SPEF2: variants seen among roughly 807,000 people sequenced by gnomAD.
SPEF2 encodes the protein sperm flagella and cilia-associated protein 2.
Under a neutral mutation model 224.6 loss-of-function variants are expected in SPEF2, and 187 were observed. The observed-to-expected ratio is 0.83, with a 90% CI of 0.74 to 0.94. SPEF2 has a LOEUF of 0.94. Ranked by LOEUF, SPEF2 falls within the 40% of genes least tolerant of loss-of-function variation. The pLI is 0.00. For synonymous variants in SPEF2, 715 were observed against 707.3 expected (o/e 1.01, Z -0.17); for missense variants, 2,170 against 2,135.6 (o/e 1.02, Z -0.32).
intron 24 of SPEF2, among the ~76,000 whole-genome samples, chr5:35,756,327 C>T (rs10042959): frequency 0.9 from 136,232 of 152,110 alleles, 61,392 homozygotes; most frequent in South Asian, 0.99. Flanking sequence ...TCTTGAAACT[C>T]ATCCCCCATG....
chr5:35,783,098 G>C (rs1235227134), intron 30 of SPEF2, among the ~76,000 whole-genome samples: 3 of 152,100 alleles, frequency 2.0e-5, no homozygotes, highest in Non-Finnish European at 4.4e-5. Context: ...ACCTATCCTA[G>C]GAATCATTCC....
chr5:35,670,213 T>C lies in SPEF2; in HGVS notation c.1510T>C (p.Tyr504His). The stretch of plus-strand genomic sequence containing the variant: ...AAGGGACTTGCTAGATACCAATGAT[T>C]ATGAAGAATATAAGGTACCTACTGA... Reference protein sequence around the residue: ...EKRDLLDTNDYEEYKNMVGEW... With the variant: ...EKRDLLDTNDHEEYKNMVGEW... The change falls in exon 10 of 37, where the codon TAT (tyrosine) becomes CAT (histidine). Residue 504 changes from tyrosine (Y) to histidine (H), a missense_variant. Physicochemically the swap from Tyr to His is moderately conservative, Grantham distance 83 (BLOSUM62 2). Transcript: ENST00000356031. The C allele has an allele frequency of 6.2e-7, 1 of 1,608,558 alleles. No individual in the cohort carries two copies. The highest frequency in any genetic ancestry group is 2.2e-5 in the East Asian group (1 of 44,610).
chr5:35,810,797 A>G (rs910901804), intron 36 of SPEF2, among the ~76,000 whole-genome samples: 6 of 152,186 alleles, frequency 3.9e-5, no homozygotes, highest in Non-Finnish European at 7.3e-5. Flanking sequence ...TACCTGTAGC[A>G]CCTGGCATTC....
At chr5:35,668,280 A>G (rs541987960) in intron 9 of SPEF2, among the ~76,000 whole-genome samples, 3 of 152,174 alleles carry the variant, frequency 2.0e-5, no homozygotes, top group Non-Finnish European at 1.5e-5. Context: ...AACAGGTAAT[A>G]GAGTGTGATA....
At chr5:35,668,150 A>C (rs988582539) in intron 9 of SPEF2, among the ~76,000 whole-genome samples, 1 of 152,076 alleles carries the variant, frequency 6.6e-6, no homozygotes, top group Admixed American at 6.6e-5. Flanking sequence ...TAGCAATTAC[A>C]CTTCTGGGCA....
intron 20 of SPEF2, among the ~76,000 whole-genome samples, chr5:35,717,711 G>A (rs1302185554): frequency 6.6e-6 from 1 of 152,118 alleles, no homozygotes; most frequent in African/African-American, 2.4e-5. Context: ...AGGAAAAGGA[G>A]GGGCTAGGCT....
intron 20 of SPEF2, among the ~76,000 whole-genome samples, chr5:35,717,035 T>C (rs1356602492): frequency 6.6e-6 from 1 of 152,210 alleles, no homozygotes; most frequent in Non-Finnish European, 1.5e-5. Flanking sequence ...CATTTGCCAC[T>C]GTCCCATTAT....
At chr5:35,683,346 C>T (rs1283302418) in intron 10 of SPEF2, among the ~76,000 whole-genome samples, 3 of 152,028 alleles carry the variant, frequency 2.0e-5, no homozygotes, top group South Asian at 2.1e-4. Flanking sequence ...GCTAGTGGGC[C>T]GGGTGCTGTG....
intron 2 of SPEF2, among the ~76,000 whole-genome samples, chr5:35,631,801 C>A (rs1204406873): frequency 6.6e-6 from 1 of 152,082 alleles, no homozygotes; most frequent in African/African-American, 2.4e-5. Flanking sequence ...TTCCAAAGAG[C>A]AAAACTTGTA....
chr5:35,642,383 C>T (rs747536760), intron 3 of SPEF2, among the ~76,000 whole-genome samples: 2 of 152,248 alleles, frequency 1.3e-5, no homozygotes, highest in Non-Finnish European at 2.9e-5. Context: ...CTTCATCTAC[C>T]GTGCAGCCCA....
chr5:35,688,015 C>G (rs1340770694), intron 10 of SPEF2, among the ~76,000 whole-genome samples: 2 of 152,076 alleles, frequency 1.3e-5, no homozygotes, highest in Non-Finnish European at 2.9e-5. Context: ...AGAAAATACT[C>G]AAAATATGGT....
At chr5:35,661,254 TTATATA>T (rs550178866) in intron 8 of SPEF2, among the ~76,000 whole-genome samples, 1,131 of 93,802 alleles carry the variant, frequency 0.012, 3 homozygotes, top group South Asian at 0.027. Context: ...TTGGTATATA[TTATATA>T]TATATATATA....
intron 29 of SPEF2, among the ~76,000 whole-genome samples, chr5:35,777,827 A>T (rs1241430362): frequency 6.6e-6 from 1 of 152,052 alleles, no homozygotes. Context: ...CATCTGTTTT[A>T]GTATCCTGAT....
intron 5 of SPEF2, among the ~76,000 whole-genome samples, chr5:35,647,662 G>A (rs1332254089): frequency 1.3e-5 from 2 of 152,070 alleles, no homozygotes; most frequent in Admixed American, 1.3e-4. Flanking sequence ...ACCATAGCAG[G>A]TCATAACTGC....
At chr5:35,645,856 T>C (rs1747296215) in intron 4 of SPEF2, among the ~76,000 whole-genome samples, 1 of 152,144 alleles carries the variant, frequency 6.6e-6, no homozygotes, top group African/African-American at 2.4e-5. Context: ...TAAATAAATA[T>C]TCATATTTTG....
At chr5:35,752,285 G>A (rs181889723) in intron 23 of SPEF2, among the ~76,000 whole-genome samples, 3 of 152,032 alleles carry the variant, frequency 2.0e-5, no homozygotes, top group Non-Finnish European at 4.4e-5. Context: ...TAAATGTTTA[G>A]TGAATTATTA....
chr5:35,722,352 C>T (rs1290632180), intron 20 of SPEF2, among the ~76,000 whole-genome samples: 7 of 151,828 alleles, frequency 4.6e-5, no homozygotes, highest in South Asian at 2.1e-4. Context: ...GTAGAAAAAA[C>T]GAAAAGGCCA....
intron 24 of SPEF2, among the ~76,000 whole-genome samples, chr5:35,754,467 T>G (rs1421657225): frequency 1.3e-5 from 2 of 152,190 alleles, no homozygotes; most frequent in East Asian, 3.8e-4. Context: ...TTCTACGAAC[T>G]TCATCACAGG....
At chr5:35,658,655 C>T (rs1366026409) in intron 7 of SPEF2, among the ~76,000 whole-genome samples, 1 of 151,446 alleles carries the variant, frequency 6.6e-6, no homozygotes, top group Non-Finnish European at 1.5e-5. Flanking sequence ...ACTCGTGTTA[C>T]AGGAGTTTGT....
Sources: gnomAD v4.1 joint callset for allele counts (sites outside exome capture counted in the v4.1 genomes callset) on GRCh38, gnomAD v4.1.1 for gene constraint, MANE v1.5 for transcripts, NCBI Gene and HGNC (gene_info 2026-07-23, HGNC 2026-07-21) for gene names.